CRY2: variants seen among roughly 807,000 people sequenced by gnomAD.
CRY2 encodes cryptochrome circadian regulator 2.
CRY2 carries 31 observed loss-of-function variants against 69.5 expected under a neutral mutation model. That is an observed-to-expected ratio of 0.45 (90% CI 0.34 to 0.60). The LOEUF is 0.60. CRY2 is among the 20% of genes least tolerant of loss of function. CRY2 has a pLI of 0.02. For missense variants in CRY2, 606 were observed against 797.8 expected (o/e 0.76, Z 2.90); for synonymous variants, 303 against 312.2 (o/e 0.97, Z 0.31).
intron 11 of CRY2, among the ~76,000 whole-genome samples, chr11:45,873,423 G>C (rs2086401955): frequency 1.3e-5 from 2 of 152,160 alleles, no homozygotes; most frequent in African/African-American, 2.4e-5. Flanking sequence ...GTGCTATCTT[G>C]TTCCTGGGAG....
At position 45,880,987 on chromosome 11, in the gene CRY2, G is replaced by A. The variant is rs2086467433; in HGVS notation, c.*76G>A. Reference sequence around the variant, plus strand: ...CCGCAGCAGCAGAGTACAACCTGCAGAGAAGCTGATCACCGGGCAGAGATA... The same window carrying A: ...CCGCAGCAGCAGAGTACAACCTGCAAAGAAGCTGATCACCGGGCAGAGATA... On this transcript the variant is annotated 3_prime_UTR_variant, in exon 12 of 12. Coordinates refer to ENST00000616080, the MANE Select transcript of CRY2 (RefSeq NM_021117.5). 6.6e-6 allele frequency: 1 copy of A among 152,450 alleles called. No homozygotes were observed. Among genetic ancestry groups the A allele is most frequent in the South Asian group, 2.1e-4 (1 of 4,836 alleles). 9.4% of individuals were successfully genotyped at this position (152,450 alleles called of 1,614,324 possible).
At chr11:45,875,241 C>T (rs989247027) in intron 11 of CRY2, among the ~76,000 whole-genome samples, 3 of 152,160 alleles carry the variant, frequency 2.0e-5, no homozygotes, top group Admixed American at 6.5e-5. Context: ...GTCATGAGTG[C>T]TTGGTAAGCA....
Position 45,870,173 on chromosome 11 carries a change from C to T in CRY2, c.1315C>T (p.Arg439Cys), listed in dbSNP as rs1353734723. The change falls in exon 8 of 12, where the codon CGT becomes TGT. Residue 439 changes from arginine to cysteine, a missense_variant. Arg to Cys is a radical substitution (Grantham distance 180). This residue lies in a region of CRY2 where 173 missense variants were observed against 213.7 expected (regional missense o/e 0.81). Coordinates refer to ENST00000616080, the MANE Select transcript of CRY2 (RefSeq NM_021117.5). ...CTGCTACTGCCCTGTGGGCTTTGGC[C>T]GTCGCACGGACCCCAGTGGGGACTA... is the stretch of plus-strand genomic sequence containing the variant. ...FHCYCPVGFG[R>C]RTDPSGDYIR... is the part of the protein sequence containing the mutation. The T allele has an allele frequency of 3.7e-6, 6 of 1,613,156 alleles. No homozygotes were observed. The highest frequency in any genetic ancestry group is 1.3e-5 in the African/African-American group (1 of 74,908).
intron 11 of CRY2, among the ~76,000 whole-genome samples, chr11:45,879,532 C>T (rs974763171): frequency 3.3e-5 from 5 of 152,244 alleles, no homozygotes; most frequent in African/African-American, 1.2e-4. Flanking sequence ...TCTTAATGAG[C>T]AATACTATCG....
chr11:45,848,475 G>A (rs2086169955), intron 1 of CRY2, among the ~76,000 whole-genome samples: 1 of 152,154 alleles, frequency 6.6e-6, no homozygotes, highest in African/African-American at 2.4e-5. Flanking sequence ...GGACAGTAGA[G>A]CCATTAGAGA....
chr11:45,878,538 A>G (rs1382089219), intron 11 of CRY2, among the ~76,000 whole-genome samples: 1 of 152,238 alleles, frequency 6.6e-6, no homozygotes, highest in Admixed American at 6.5e-5. Context: ...GTACACCTTA[A>G]TAATACATAC....
At chr11:45,870,607 C>T (rs1379806778) in intron 9 of CRY2, 75 bp downstream of exon 9, 1 of 1,527,264 alleles carries the variant, frequency 6.5e-7, no homozygotes. Context: ...TGGGGATGTC[C>T]AGATACTTGC....
intron 5 of CRY2, among the ~76,000 whole-genome samples, chr11:45,864,640 G>A (rs572988188): frequency 1.3e-5 from 2 of 152,112 alleles, no homozygotes; most frequent in East Asian, 2.0e-4. Context: ...GGCCGAGGCA[G>A]GTGGAGCACT....
chr11:45,880,572 C>T (rs2086463792), intron 11 of CRY2, among the ~76,000 whole-genome samples: 1 of 152,204 alleles, frequency 6.6e-6, no homozygotes, highest in Admixed American at 6.5e-5. Flanking sequence ...TGCCTTGATT[C>T]AGAAGCTGCC....
chr11:45,856,336 G>A lies in CRY2; in HGVS notation c.324+246G>A, dbSNP rs867577947. 5 of 456,054 alleles carry A rather than the reference G, an allele frequency of 1.1e-5. No individual in the cohort carries two copies. The South Asian group carries it at 1.2e-4, about 11-fold the overall frequency. 28.3% of individuals were successfully genotyped at this position (456,054 alleles called of 1,614,324 possible). ...AGCTCTCAGCTCAGTCCAGACATAG[G>A]ATGTGGTAAGTCATTCCACTCTGGA... On this transcript the variant is annotated intron_variant, in intron 2 of 11. Transcript: ENST00000616080.
intron 11 of CRY2, among the ~76,000 whole-genome samples, chr11:45,873,199 C>T (rs1274148817): frequency 1.3e-5 from 2 of 152,186 alleles, no homozygotes; most frequent in African/African-American, 4.8e-5. Context: ...CAAGCTGTTC[C>T]TTATGCACCA....
At chr11:45,863,002 G>C (rs2086300442) in intron 5 of CRY2, among the ~76,000 whole-genome samples, 1 of 152,226 alleles carries the variant, frequency 6.6e-6, no homozygotes, top group African/African-American at 2.4e-5. Context: ...TTGCCTAGCA[G>C]CCAGATGATG....
chr11:45,867,344 T>C (rs2086339102), intron 5 of CRY2: 1 of 427,622 alleles, frequency 2.3e-6, no homozygotes, highest in African/African-American at 2.0e-5. Context: ...GAAATTTTGT[T>C]CTTATTTAAT....
At chr11:45,867,373 A>G in intron 5 of CRY2, 1 of 510,800 alleles carries the variant, frequency 2.0e-6, no homozygotes, top group South Asian at 3.5e-5. Flanking sequence ...AGCTGAGGGA[A>G]GTAACAACGT....
rs182457990 is a variant in CRY2, at chr11:45,881,716, G to A, written c.*805G>A. 2.4e-4 allele frequency: 37 copies of A among 152,370 alleles called. No individual in the cohort carries two copies. The highest frequency in any genetic ancestry group is 5.0e-4 in the Non-Finnish European group (34 of 68,068). 9.4% of individuals were successfully genotyped at this position (152,370 alleles called of 1,614,324 possible). On this transcript the variant is annotated 3_prime_UTR_variant, in exon 12 of 12. Transcript: ENST00000616080. Reference sequence around the variant, plus strand: ...AGCTGTCATTGTTCCTTCCCCAGAAGCTAAGAGCCAGCCTCAGAGCCTACC... The same window carrying A: ...AGCTGTCATTGTTCCTTCCCCAGAAACTAAGAGCCAGCCTCAGAGCCTACC...
chr11:45,875,045 AT>A (rs1437779508), intron 11 of CRY2, among the ~76,000 whole-genome samples: 5 of 152,236 alleles, frequency 3.3e-5, no homozygotes, highest in Admixed American at 3.3e-4. Context: ...GTTCTGTATT[AT>A]AAGGGTTGCT....
chr11:45,871,277 C>G (rs1264798833), intron 10 of CRY2, among the ~76,000 whole-genome samples: 1 of 152,134 alleles, frequency 6.6e-6, no homozygotes, highest in Non-Finnish European at 1.5e-5. Context: ...AAGGGAGTAG[C>G]AAGAAAAAGC....
In CRY2 at chr11:45,858,782, A is replaced by G. The variant is rs1453514838; in HGVS notation, c.376A>G (p.Lys126Glu). 5.0e-6 allele frequency: 8 copies of G among 1,614,136 alleles called. No homozygotes were observed. Among genetic ancestry groups the G allele is most frequent in the Non-Finnish European group, 6.8e-6 (8 of 1,180,020 alleles). ...TGAATATGACTCTGAACCCTTTGGG[A>G]AAGAACGGGATGCAGCCATCATGAA... is the stretch of plus-strand genomic sequence containing the variant. The part of the protein sequence containing the change: ...TFEYDSEPFG[K>E]ERDAAIMKMA... The change falls in exon 3 of 12, where the codon AAA (lysine) becomes GAA (glutamate). Residue 126 changes from lysine (K) to glutamate (E), a missense_variant. By Grantham distance (56) the Lys-to-Glu change is moderately conservative (BLOSUM62 1). Coordinates refer to ENST00000616080, the MANE Select transcript of CRY2 (RefSeq NM_021117.5).
intron 1 of CRY2, among the ~76,000 whole-genome samples, chr11:45,850,349 T>C (rs939322109): frequency 6.6e-6 from 1 of 152,184 alleles, no homozygotes. Flanking sequence ...CAGCAAAGCT[T>C]AAGAAGCACT....
Sources: gnomAD v4.1 joint callset for allele counts (sites outside exome capture counted in the v4.1 genomes callset) on GRCh38, gnomAD v4.1.1 for gene constraint, gnomAD v4.1.1 regional missense constraint, MANE v1.5 for transcripts, NCBI Gene and HGNC (gene_info 2026-07-23, HGNC 2026-07-21) for gene names.